Variants in LAMB1 observed in about 807,000 individuals in gnomAD.
The protein encoded by LAMB1 is laminin subunit beta-1.
Under a neutral mutation model 222.3 loss-of-function variants are expected in LAMB1, and 121 were observed. The ratio of observed to expected loss-of-function variants is 0.54; its 90% confidence interval spans 0.47 to 0.63. LAMB1 has a LOEUF of 0.63. LAMB1 is among the 30% of genes least tolerant of loss of function. LAMB1 has a pLI of 0.00. For missense variants in LAMB1, 2,172 were observed against 2,240.8 expected, an observed-to-expected ratio of 0.97 and a Z score of 0.62; for synonymous variants, 794 against 807.2, an observed-to-expected ratio of 0.98 and a Z score of 0.28.
At position 107,980,709 on chromosome 7, in the gene LAMB1, T is replaced by C. The variant is rs768318068; in HGVS notation, c.779A>G (p.Tyr260Cys). The change falls in exon 8 of 34, where the codon TAT (tyrosine) becomes TGT (cysteine). Residue 260 changes from tyrosine to cysteine, a missense_variant. Tyr to Cys is a radical substitution (Grantham distance 194). Coordinates refer to ENST00000222399, the MANE Select transcript of LAMB1 (RefSeq NM_002291.3). ...TCGAACCACCATATCATAAACTGCA[T>C]AATAATACTTTTCTCTGATTTCCAT... is the stretch of plus-strand genomic sequence containing the variant. Reference protein sequence around the residue: ...SRMEIREKYYYAVYDMVVRGN... With the variant: ...SRMEIREKYYCAVYDMVVRGN... The C allele has an allele frequency of 1.2e-6, 2 of 1,613,736 alleles. No individual in the cohort carries two copies. Among genetic ancestry groups the C allele is most frequent in the South Asian group, 1.1e-5 (1 of 91,074 alleles).
chr7:107,960,422 T>C, intron 18 of LAMB1, 23 bp downstream of exon 18: 2 of 1,575,368 alleles, frequency 1.3e-6, no homozygotes, highest in Non-Finnish European at 1.7e-6. Context: ...CAGCAGCTGC[T>C]GCAGCTGCCC....
chr7:107,931,411 G>C lies in LAMB1; in HGVS notation c.4482C>G (p.Asp1494Glu), dbSNP rs1215861348. 1.9e-6 allele frequency: 3 copies of C among 1,613,716 alleles called. No homozygotes were observed. The South Asian group carries it at 3.3e-5, about 18-fold the overall frequency. Reference sequence around the variant, plus strand: ...GATTTCTCAGCTCCTCATTGCTCTTGTCCATTTTTTCTTTGGTAGCATTTG... The same window carrying C: ...GATTTCTCAGCTCCTCATTGCTCTTCTCCATTTTTTCTTTGGTAGCATTTG... Reference protein sequence around the residue: ...LKTNATKEKMDKSNEELRNLI... With the variant: ...LKTNATKEKMEKSNEELRNLI... Residue 1494 changes from aspartate (D) to glutamate (E), a missense_variant, in exon 29 of 34, where the codon GAC (aspartate) becomes GAG (glutamate). Physicochemically the swap from Asp to Glu is conservative, Grantham distance 45 (BLOSUM62 2). Transcript: ENST00000222399.
chr7:107,965,899 C>A (rs765649862), intron 13 of LAMB1, among the ~76,000 whole-genome samples: 6 of 152,006 alleles, frequency 3.9e-5, no homozygotes, highest in African/African-American at 7.2e-5. Context: ...GAGTTTGAGA[C>A]CAGCCTGGCC....
At chr7:107,976,727 T>C (rs2033864165) in intron 9 of LAMB1, among the ~76,000 whole-genome samples, 1 of 152,226 alleles carries the variant, frequency 6.6e-6, no homozygotes, top group South Asian at 2.1e-4. Flanking sequence ...CTTCCCAGCA[T>C]GGACTCTGTG....
intron 24 of LAMB1, among the ~76,000 whole-genome samples, chr7:107,949,000 A>G (rs2033185676): frequency 6.6e-6 from 1 of 152,238 alleles, no homozygotes; most frequent in Admixed American, 6.5e-5. Context: ...CTTGCAGAAT[A>G]CTTAGTTTCT....
intron 13 of LAMB1, among the ~76,000 whole-genome samples, chr7:107,966,907 G>T (rs1044150830): frequency 6.6e-6 from 1 of 152,202 alleles, no homozygotes; most frequent in East Asian, 1.9e-4. Context: ...ACAAGTCTGT[G>T]TCCACAGGCT....
intron 24 of LAMB1, among the ~76,000 whole-genome samples, chr7:107,950,891 G>C (rs2033228202): frequency 1.3e-5 from 2 of 151,310 alleles, no homozygotes; most frequent in East Asian, 3.9e-4. Flanking sequence ...TTGGTTAAAA[G>C]TATTTTAAAA....
chr7:107,959,663 T>C (rs776907701), intron 19 of LAMB1, 28 bp downstream of exon 19: 2 of 1,614,242 alleles, frequency 1.2e-6, no homozygotes, highest in Admixed American at 1.7e-5. Context: ...TCTGAATGAA[T>C]GCATAACAAT....
In LAMB1 at chr7:108,002,832, C is replaced by T; in HGVS notation, c.37+17G>A. ...CCCAAGTCCGTCCGCCTCCCCGCAC[C>T]GTTTCCACGGAATTACCTAAGAAAC... is the stretch of plus-strand genomic sequence containing the variant. On this transcript the variant is annotated intron_variant, in intron 2 of 33. Transcript: ENST00000222399. 1 of 1,614,110 alleles carries T rather than the reference C, an allele frequency of 6.2e-7. No homozygotes were observed. Among genetic ancestry groups the T allele is most frequent in the East Asian group, 2.2e-5 (1 of 44,862 alleles).
At position 107,940,015 on chromosome 7, in the gene LAMB1, G is replaced by GT. The variant is rs1249203883; in HGVS notation, c.3734dup (p.Asn1245LysfsTer7). Reference sequence around the variant, plus strand: ...CTGCTTCCTCAAAGAGATTCCCAATGTTTTTCAGTGGCTCTGCTGCGGGGC... The same window carrying GT: ...CTGCTTCCTCAAAGAGATTCCCAATGTTTTTTCAGTGGCTCTGCTGCGGGGC... On this transcript the variant is annotated frameshift_variant, in exon 25 of 34. Coordinates refer to ENST00000222399, the MANE Select transcript of LAMB1 (RefSeq NM_002291.3). LOFTEE classifies it high-confidence loss of function. 8.1e-6 allele frequency: 13 copies of GT among 1,613,862 alleles called. No homozygotes were observed. The highest frequency in any genetic ancestry group is 1.0e-5 in the Non-Finnish European group (12 of 1,179,952).
At position 107,935,600 on chromosome 7, in the gene LAMB1, C is replaced by G; in HGVS notation, c.4003G>C (p.Val1335Leu). ...FQMSLEAEERVNASTTEPNST... is the reference protein window; with the variant it reads ...FQMSLEAEERLNASTTEPNST... ...TTGGGTTCTGTGGTGGAGGCATTCA[C>G]CCTCTCCTCTGCCTCAAGAGACATC... Residue 1335 changes from valine to leucine, a missense_variant, in exon 27 of 34, where the codon GTG becomes CTG. Physicochemically the swap from Val to Leu is conservative, Grantham distance 32. Transcript: ENST00000222399. 6.2e-7 allele frequency: 1 copy of G among 1,613,792 alleles called. No individual in the cohort carries two copies. Among genetic ancestry groups the G allele is most frequent in the Non-Finnish European group, 8.5e-7 (1 of 1,179,898 alleles).
intron 9 of LAMB1, among the ~76,000 whole-genome samples, chr7:107,976,709 G>A (rs1251376111): frequency 6.6e-6 from 1 of 152,174 alleles, no homozygotes; most frequent in Non-Finnish European, 1.5e-5. Context: ...GTGAACCTTG[G>A]AGTAATCCTT....
intron 24 of LAMB1, among the ~76,000 whole-genome samples, chr7:107,940,957 T>C: frequency 6.6e-6 from 1 of 152,210 alleles, no homozygotes. Flanking sequence ...GCAATAAACA[T>C]GATCAAAACA....
At chr7:107,963,969 A>G (rs377183531) in intron 14 of LAMB1, among the ~76,000 whole-genome samples, 1 of 152,224 alleles carries the variant, frequency 6.6e-6, no homozygotes, top group Admixed American at 6.5e-5. Context: ...GTGGTGGCAC[A>G]TGCCTATAAT....
rs369043944 is a variant in LAMB1 at position 107,968,681 on chromosome 7, G to A, written c.1563-3994C>T. Among the ~76,000 whole-genome samples the A allele has an allele frequency of 1.0e-3, 158 of 152,300 alleles. 1 individual carries two copies. The highest frequency in any genetic ancestry group is 3.8e-3 in the African/African-American group (156 of 41,564). The stretch of plus-strand genomic sequence containing the variant: ...GTCAAGGAATGTGGGCAGCTCTAGA[G>A]GACAAGAATAGCCCTTAGATGACAG... On this transcript the variant is annotated intron_variant, in intron 13 of 33. Coordinates refer to ENST00000222399, the MANE Select transcript of LAMB1 (RefSeq NM_002291.3).
intron 31 of LAMB1, among the ~76,000 whole-genome samples, chr7:107,928,311 G>A (rs1471962688): frequency 1.3e-5 from 2 of 152,158 alleles, no homozygotes; most frequent in African/African-American, 4.8e-5. Context: ...ATTGGGTATT[G>A]AAAGCAGACT....
At chr7:107,985,468 T>C (rs2034055844) in intron 7 of LAMB1, among the ~76,000 whole-genome samples, 2 of 150,848 alleles carry the variant, frequency 1.3e-5, no homozygotes, top group Admixed American at 1.3e-4. Flanking sequence ...CTACTAAAAA[T>C]ACAAAAATAA....
chr7:107,929,180 T>C lies in LAMB1; in HGVS notation c.4771A>G (p.Thr1591Ala). 2 of 1,614,084 alleles carry C rather than the reference T, an allele frequency of 1.2e-6. No homozygotes were observed. Among genetic ancestry groups the C allele is most frequent in the South Asian group, 2.2e-5 (2 of 91,084 alleles). ...AGAGCTTCCTTTACCATATCTGCAGTGACTTTAACATCTGTTGCACTTTTG... is the reference window on the plus strand; with the variant it reads ...AGAGCTTCCTTTACCATATCTGCAGCGACTTTAACATCTGTTGCACTTTTG... ...ASKSATDVKV[T>A]ADMVKEALEE... Residue 1591 changes from threonine (T) to alanine (A), a missense_variant, in exon 31 of 34, where the codon ACT becomes GCT. By Grantham distance (58) the Thr-to-Ala change is moderately conservative. Coordinates refer to ENST00000222399, the MANE Select transcript of LAMB1 (RefSeq NM_002291.3).
intron 3 of LAMB1, among the ~76,000 whole-genome samples, chr7:108,001,161 T>A (rs2034374466): frequency 6.6e-6 from 1 of 152,154 alleles, no homozygotes; most frequent in Non-Finnish European, 1.5e-5. Flanking sequence ...ATTGCTGGAA[T>A]CCTCTTTACC....
Sources: gnomAD v4.1 joint callset for allele counts (sites outside exome capture counted in the v4.1 genomes callset) on GRCh38, gnomAD v4.1.1 for gene constraint, MANE v1.5 for transcripts, NCBI Gene and HGNC (gene_info 2026-07-23, HGNC 2026-07-21) for gene names.